The following CDH4 variants were observed in gnomAD, a reference collection of about 807,000 sequenced individuals.
The protein encoded by CDH4 is cadherin 4, also known as cadherin-4.
Under a neutral mutation model 86.0 loss-of-function variants are expected in CDH4, and 33 were observed. The ratio of observed to expected loss-of-function variants is 0.38; its 90% CI spans 0.29 to 0.51. The LOEUF is 0.51. Among genes scored for constraint, CDH4 ranks in the 20% least tolerant of loss-of-function variants. The pLI is 0.86. For synonymous variants in CDH4, 555 were observed against 549.4 expected, an observed-to-expected ratio of 1.01 and a Z score of -0.14; for missense variants, 1,114 against 1,307.4, an observed-to-expected ratio of 0.85 and a Z score of 2.28.
chr20:61,774,850 T>C (rs2088818885), intron 4 of CDH4, among the ~76,000 whole-genome samples: 2 of 152,364 alleles, frequency 1.3e-5, no homozygotes, highest in East Asian at 3.9e-4. Context: ...GCAAAGGACA[T>C]GATCTCGTTC....
In CDH4 at chr20:61,480,321, GGCCACTGCCCTGT is replaced by G. The variant is rs1409795872; in HGVS notation, c.169+225394_169+225406del. Among the ~76,000 whole-genome samples, 14 of 152,228 alleles carry G rather than the reference GGCCACTGCCCTGT, an allele frequency of 9.2e-5. 1 individual carries two copies. The South Asian group carries it at 2.9e-3, about 32-fold the overall frequency. ...GCCCCCTGGCTGTGTCCTCTGCTTG[GGCCACTGCCCTGT>G]GCCACTGCCTCAGCACCATTGTCTG... On this transcript the variant is annotated intron_variant, in intron 2 of 15. Transcript: ENST00000614565. This position sits in a 1 kb window ranked among gnomAD's most constrained non-coding sequence, Gnocchi z 5.2.
At chr20:61,600,791 G>T (rs1311294649) in intron 2 of CDH4, among the ~76,000 whole-genome samples, 1 of 139,644 alleles carries the variant, frequency 7.2e-6, no homozygotes, top group African/African-American at 2.5e-5. Flanking sequence ...TATGTAAATA[G>T]TTAGACTGTG....
intron 2 of CDH4, among the ~76,000 whole-genome samples, chr20:61,611,951 C>T (rs977084014): frequency 6.6e-6 from 1 of 152,068 alleles, no homozygotes; most frequent in African/African-American, 2.4e-5. Context: ...GGGCGAGTCA[C>T]CTTCTGTGTC....
chr20:61,877,819 G>A (rs959131190), intron 7 of CDH4, among the ~76,000 whole-genome samples: 2 of 152,196 alleles, frequency 1.3e-5, no homozygotes, highest in Non-Finnish European at 2.9e-5. Context: ...CATGGTTCAG[G>A]GGCTCAGGGG....
intron 2 of CDH4, among the ~76,000 whole-genome samples, chr20:61,616,327 C>G (rs886111865): frequency 4.6e-5 from 7 of 152,208 alleles, no homozygotes; most frequent in Non-Finnish European, 1.0e-4. Context: ...TCAGGGTTCT[C>G]ATATCTGAAG....
intron 2 of CDH4, among the ~76,000 whole-genome samples, chr20:61,490,086 A>T (rs1309725556): frequency 6.6e-6 from 1 of 152,244 alleles, no homozygotes; most frequent in Non-Finnish European, 1.5e-5. Flanking sequence ...CAAAAAAGAA[A>T]ATCAAATGGA....
chr20:61,756,904 C>T (rs2088571603), intron 3 of CDH4, among the ~76,000 whole-genome samples: 1 of 152,134 alleles, frequency 6.6e-6, no homozygotes. Context: ...GGTGGGGGTC[C>T]AAGTTTGAAG....
chr20:61,549,795 A>T (rs550266117), intron 2 of CDH4, among the ~76,000 whole-genome samples: 1 of 152,354 alleles, frequency 6.6e-6, no homozygotes, highest in East Asian at 1.9e-4. Context: ...CGCTTAGCGC[A>T]TGGGAAACAT....
chr20:61,375,751 ATGATGGTGG>A (rs2084865197), intron 2 of CDH4, among the ~76,000 whole-genome samples: 4 of 26,444 alleles, frequency 1.5e-4, no homozygotes, highest in Non-Finnish European at 3.4e-4. Context: ...GGTGGTGGTG[ATGATGGTGG>A]TGCTGGTGGT....
chr20:61,404,980 G>A (rs1317504151), intron 2 of CDH4, among the ~76,000 whole-genome samples: 1 of 152,196 alleles, frequency 6.6e-6, no homozygotes, highest in African/African-American at 2.4e-5. Flanking sequence ...AACCTGGGAG[G>A]CGGAGGTTGC....
intron 4 of CDH4, among the ~76,000 whole-genome samples, chr20:61,832,185 C>T (rs927439610): frequency 5.9e-5 from 9 of 152,364 alleles, no homozygotes; most frequent in African/African-American, 1.7e-4. Flanking sequence ...ACCTTCCCTA[C>T]TGAGGCAGGG....
intron 2 of CDH4, among the ~76,000 whole-genome samples, chr20:61,541,637 G>C (rs368576264): frequency 6.6e-6 from 1 of 152,192 alleles, no homozygotes; most frequent in Non-Finnish European, 1.5e-5. Flanking sequence ...GAAGCATCCC[G>C]GTGGAAGGCA....
chr20:61,288,325 T>C (rs1429330746), intron 2 of CDH4, among the ~76,000 whole-genome samples: 1 of 152,140 alleles, frequency 6.6e-6, no homozygotes, highest in African/African-American at 2.4e-5. Context: ...GCTGAAAACA[T>C]CATGTTGTTC....
chr20:61,825,975 T>C (rs778413792), intron 4 of CDH4, among the ~76,000 whole-genome samples: 2 of 152,182 alleles, frequency 1.3e-5, no homozygotes, highest in Non-Finnish European at 2.9e-5. Context: ...AGATCTAGAA[T>C]AGGCCGCCTC....
intron 2 of CDH4, among the ~76,000 whole-genome samples, chr20:61,352,163 C>G (rs1210022317): frequency 6.6e-6 from 1 of 152,208 alleles, no homozygotes; most frequent in Non-Finnish European, 1.5e-5. Context: ...CCCTTCCCAG[C>G]CTCTGGCCAC....
intron 13 of CDH4, among the ~76,000 whole-genome samples, 173 bp from the exon 14 acceptor site, chr20:61,932,812 C>T (rs2055129799): frequency 6.6e-6 from 1 of 152,248 alleles, no homozygotes; most frequent in Non-Finnish European, 1.5e-5. Flanking sequence ...CACATCCAGG[C>T]CTGCATGTGC....
intron 2 of CDH4, among the ~76,000 whole-genome samples, chr20:61,522,080 C>T (rs1156487206): frequency 6.6e-6 from 1 of 152,222 alleles, no homozygotes; most frequent in Non-Finnish European, 1.5e-5. Context: ...CTCAGAGATT[C>T]GCAGGCCTTC....
intron 2 of CDH4, among the ~76,000 whole-genome samples, chr20:61,332,666 T>C (rs929878120): frequency 6.6e-6 from 1 of 152,260 alleles, no homozygotes; most frequent in East Asian, 1.9e-4. Context: ...TTGGCTAGTT[T>C]AGAGACTTCT....
At chr20:61,288,982 T>A (rs944321897) in intron 2 of CDH4, among the ~76,000 whole-genome samples, 4 of 145,342 alleles carry the variant, frequency 2.8e-5, no homozygotes, top group African/African-American at 7.6e-5. Flanking sequence ...GGAAAAAAAA[T>A]GTTTTTAAGC....
Sources: gnomAD v4.1 joint callset for allele counts (sites outside exome capture counted in the v4.1 genomes callset) on GRCh38, gnomAD v4.1.1 for gene constraint, Gnocchi (gnomAD v3.1) non-coding constraint, MANE v1.5 for transcripts, NCBI Gene and HGNC (gene_info 2026-07-23, HGNC 2026-07-21) for gene names.